Variants in CDH22 observed in about 807,000 individuals in gnomAD.
The protein encoded by CDH22 is cadherin 22, also known as cadherin-22.
Under a neutral mutation model 58.4 loss-of-function variants are expected in CDH22, and 30 were observed. The ratio of observed to expected loss-of-function variants is 0.51; its 90% confidence interval spans 0.38 to 0.70. CDH22 has a LOEUF of 0.70. CDH22 is among the 30% of genes least tolerant of loss of function. The probability of loss-of-function intolerance (pLI) is 0.00; values close to 1 mark genes in which losing one functional copy is unlikely to be tolerated. For synonymous variants in CDH22, 513 were observed against 558.2 expected, an observed-to-expected ratio of 0.92 and a Z score of 1.14; for missense variants, 1,014 against 1,233.9, an observed-to-expected ratio of 0.82 and a Z score of 2.67.
At chr20:46,256,325 T>C (rs2086406434) in intron 1 of CDH22, among the ~76,000 whole-genome samples, 1 of 152,150 alleles carries the variant, frequency 6.6e-6, no homozygotes, top group Non-Finnish European at 1.5e-5. Flanking sequence ...TTGCTGTTTA[T>C]CCATCTATCA....
chr20:46,221,993 C>G (rs569110499), intron 4 of CDH22, among the ~76,000 whole-genome samples: 1 of 152,150 alleles, frequency 6.6e-6, no homozygotes, highest in Non-Finnish European at 1.5e-5. Context: ...TGGGGCCAGA[C>G]AGATATGGGC....
chr20:46,227,121 C>T (rs2086180654), intron 4 of CDH22, among the ~76,000 whole-genome samples: 1 of 152,206 alleles, frequency 6.6e-6, no homozygotes, highest in Admixed American at 6.5e-5. Flanking sequence ...ACCAGCCGTC[C>T]TCCCTTCCCC....
chr20:46,175,696 C>T (rs866759124), intron 11 of CDH22, among the ~76,000 whole-genome samples: 4 of 152,206 alleles, frequency 2.6e-5, no homozygotes, highest in Non-Finnish European at 2.9e-5. Context: ...CCCTGGGCAA[C>T]AGCAACATCC....
In CDH22 at chr20:46,268,390, G is replaced by A. The variant is rs1384582425; in HGVS notation, c.-399-16697C>T. Among the ~76,000 whole-genome samples the A allele has an allele frequency of 2.0e-5, 3 of 152,242 alleles. No individual in the cohort carries two copies. In the South Asian group the frequency reaches 6.2e-4, roughly 31 times the overall value. ...CAGCTCATCTCCCGCAGCTCCCCGA[G>A]GTCCCAGCGATTATGCCACTGAAAA... On this transcript the variant is annotated intron_variant, in intron 1 of 11. Transcript: ENST00000537909.
intron 1 of CDH22, among the ~76,000 whole-genome samples, chr20:46,274,705 G>A (rs969172460): frequency 9.0e-5 from 10 of 111,098 alleles, no homozygotes; most frequent in African/African-American, 3.2e-4. Flanking sequence ...GAATGGATAA[G>A]CAAATGTGGT....
chr20:46,184,665 C>G (rs6074061), intron 10 of CDH22, among the ~76,000 whole-genome samples: 41,647 of 152,012 alleles, frequency 0.27, 5,739 homozygotes, highest in South Asian at 0.31. Flanking sequence ...GGCTTTGTGT[C>G]TCAATAAACA....
chr20:46,200,067 G>A (rs910616286), intron 7 of CDH22, among the ~76,000 whole-genome samples: 1 of 152,078 alleles, frequency 6.6e-6, no homozygotes, highest in Admixed American at 6.6e-5. Flanking sequence ...TCCGCCTCCC[G>A]GGTTCACGCC....
intron 3 of CDH22, among the ~76,000 whole-genome samples, chr20:46,233,708 C>T (rs565457211): frequency 6.6e-6 from 1 of 152,298 alleles, no homozygotes; most frequent in East Asian, 1.9e-4. Flanking sequence ...ATATATTCCT[C>T]CCTGTCCAGA....
chr20:46,288,029 C>T (rs1005876591), intron 1 of CDH22, among the ~76,000 whole-genome samples: 1 of 152,110 alleles, frequency 6.6e-6, no homozygotes, highest in Non-Finnish European at 1.5e-5. Context: ...TTCGGTAAGA[C>T]CTTGAGGTGG....
chr20:46,240,851 C>T, intron 3 of CDH22, 112 bp downstream of exon 3: 1 of 991,240 alleles, frequency 1.0e-6, no homozygotes. Flanking sequence ...CCTAGGTCAG[C>T]AGGCTCTGTC....
chr20:46,251,361 C>A lies in CDH22; in HGVS notation c.-67G>T. Reference sequence around the variant, plus strand: ...AGGCACCAGGGCGCCGCTGCTTGGTCGCACAACGATGCGGCGCCGTGTCAC... The same window carrying A: ...AGGCACCAGGGCGCCGCTGCTTGGTAGCACAACGATGCGGCGCCGTGTCAC... On this transcript the variant is annotated 5_prime_UTR_variant, in exon 2 of 12. Transcript: ENST00000537909. The surrounding 1 kb of genome is among the most constrained non-coding windows in gnomAD (Gnocchi z 6.7). 1.4e-6 allele frequency: 2 copies of A among 1,392,946 alleles called. No individual in the cohort carries two copies. The highest frequency in any genetic ancestry group is 3.2e-5 in the South Asian group (2 of 63,442). 86.3% of individuals were successfully genotyped at this position (1,392,946 alleles called of 1,614,324 possible).
chr20:46,302,488 G>A (rs1358523598), intron 1 of CDH22, among the ~76,000 whole-genome samples: 1 of 152,168 alleles, frequency 6.6e-6, no homozygotes, highest in Non-Finnish European at 1.5e-5. Flanking sequence ...AGTGAGAAAA[G>A]AAAACTAAAC....
intron 1 of CDH22, among the ~76,000 whole-genome samples, chr20:46,283,757 A>C (rs945335893): frequency 6.9e-6 from 1 of 144,952 alleles, no homozygotes; most frequent in Non-Finnish European, 1.5e-5. Context: ...GCAGCTTCAC[A>C]TGGAGTCCCG....
chr20:46,268,226 A>G (rs1247819380), intron 1 of CDH22, among the ~76,000 whole-genome samples: 1 of 152,224 alleles, frequency 6.6e-6, no homozygotes, highest in African/African-American at 2.4e-5. Flanking sequence ...CCTGGAAACA[A>G]TAGCAGGCAA....
In CDH22 at chr20:46,186,904, G is replaced by T. The variant is rs143897599; in HGVS notation, c.1467C>A (p.Ile489=). ...CTGGGGGATTGTCGTTCACATCCAG[G>T]ATTCGGATCCTTAGGGATGCCCGGG... The part of the protein sequence containing the change: ...QLSRASLRIR[I]LDVNDNPPEL... Residue 489 remains isoleucine (I), a synonymous_variant, in exon 9 of 12, where the codon ATC becomes ATA. Transcript: ENST00000537909. 3.1e-6 allele frequency: 5 copies of T among 1,611,480 alleles called. No homozygotes were observed. The highest frequency in any genetic ancestry group is 3.4e-6 in the Non-Finnish European group (4 of 1,178,746).
chr20:46,238,493 C>T (rs1166661976), intron 3 of CDH22, among the ~76,000 whole-genome samples: 2 of 152,126 alleles, frequency 1.3e-5, no homozygotes, highest in African/African-American at 2.4e-5. Context: ...ATTCAACTCT[C>T]TTGTTCAAGA....
intron 10 of CDH22, among the ~76,000 whole-genome samples, chr20:46,182,566 C>A (rs920996047): frequency 5.9e-5 from 9 of 152,180 alleles, no homozygotes; most frequent in African/African-American, 2.2e-4. Context: ...CCCCACCACT[C>A]CTCCACCCCA....
At chr20:46,217,058 T>C (rs1568661998) in intron 4 of CDH22, 65 bp from the exon 5 acceptor site, 3 of 1,497,384 alleles carry the variant, frequency 2.0e-6, no homozygotes, top group Admixed American at 1.8e-5. Flanking sequence ...TGGAGACCCC[T>C]GTACAGGCGG....
Position 46,174,522 on chromosome 20 carries a change from T to A in CDH22, c.2471A>T (p.Glu824Val), listed in dbSNP as rs1332907296. 15 of 1,514,552 alleles carry A rather than the reference T, an allele frequency of 9.9e-6. No individual in the cohort carries two copies. The highest frequency in any genetic ancestry group is 1.3e-5 in the Non-Finnish European group (15 of 1,137,980). 93.8% of individuals were successfully genotyped at this position (1,514,552 alleles called of 1,614,324 possible). A position where few individuals can be genotyped will look rare whatever the true frequency, so the allele number is the denominator to read the frequency against. ...ALYAGHRGDD[E>V]AQAS ...GGCGAGGGGCTAGGAGGCCTGGGCC[T>A]CGTCGTCCCCGCGGTGGCCGGCGTA... is the stretch of plus-strand genomic sequence containing the variant. Residue 824 changes from glutamate to valine, a missense_variant, in exon 12 of 12, where the codon GAG becomes GTG. By Grantham distance (121) the Glu-to-Val change is moderately radical. Transcript: ENST00000537909. The surrounding 1 kb of genome is among the most constrained non-coding windows in gnomAD (Gnocchi z 4.4).
Sources: gnomAD v4.1 joint callset for allele counts (sites outside exome capture counted in the v4.1 genomes callset) on GRCh38, gnomAD v4.1.1 for gene constraint, Gnocchi (gnomAD v3.1) non-coding constraint, MANE v1.5 for transcripts, NCBI Gene and HGNC (gene_info 2026-07-23, HGNC 2026-07-21) for gene names.